The following CD44 variants were observed in gnomAD, a reference collection of about 807,000 sequenced individuals.
CD44 encodes the protein CD44 antigen.
CD44 carries 49 observed loss-of-function variants against 88.8 expected under a neutral mutation model. That is an observed-to-expected ratio of 0.55 (90% CI 0.44 to 0.70). The LOEUF is 0.70. CD44 is among the 30% of genes least tolerant of loss of function. The pLI is 0.00. For synonymous variants in CD44, 325 were observed against 312.3 expected (o/e 1.04, Z -0.43); for missense variants, 883 against 913.8 (o/e 0.97, Z 0.43).
intron 1 of CD44, among the ~76,000 whole-genome samples, chr11:35,171,197 T>A (rs1943839996): frequency 6.6e-6 from 1 of 152,218 alleles, no homozygotes. Context: ...AATGTCTTCA[T>A]AAATTATCAG....
At chr11:35,174,198 C>G (rs1170545106) in intron 1 of CD44, among the ~76,000 whole-genome samples, 1 of 152,168 alleles carries the variant, frequency 6.6e-6, no homozygotes, top group Non-Finnish European at 1.5e-5. Flanking sequence ...GGTACTCACT[C>G]ACTTCCTTGG....
chr11:35,159,889 A>G (rs1942379157), intron 1 of CD44, among the ~76,000 whole-genome samples: 1 of 152,208 alleles, frequency 6.6e-6, no homozygotes, highest in Non-Finnish European at 1.5e-5. Flanking sequence ...TGTCCCTAGA[A>G]TGGAGCCTTG....
At chr11:35,144,782 A>G (rs1858784286) in intron 1 of CD44, among the ~76,000 whole-genome samples, 1 of 152,270 alleles carries the variant, frequency 6.6e-6, no homozygotes, top group Admixed American at 6.5e-5. Flanking sequence ...ATATTTTTCC[A>G]CAAATAAATA....
At chr11:35,166,497 C>T (rs1943285208) in intron 1 of CD44, among the ~76,000 whole-genome samples, 1 of 152,066 alleles carries the variant, frequency 6.6e-6, no homozygotes, top group Non-Finnish European at 1.5e-5. Flanking sequence ...CAAGAGCTTT[C>T]TAGGCTGTGC....
chr11:35,189,736 T>C, intron 4 of CD44, 99 bp from the exon 5 acceptor site: 2 of 813,866 alleles, frequency 2.5e-6, no homozygotes, highest in East Asian at 5.3e-5. Flanking sequence ...TGTTTCTCAT[T>C]ACAAAGGAAA....
At position 35,210,030 on chromosome 11, in the gene CD44, A is replaced by C. The variant is rs1346721145; in HGVS notation, c.1582A>C (p.Thr528Pro). ...EGLEEDKDHP[T>P]TSTLTSSNRN... ...CTTGGAAGAAGATAAAGACCATCCAACAACTTCTACTCTGACATCAAGCAG... is the reference window on the plus strand; with the variant it reads ...CTTGGAAGAAGATAAAGACCATCCACCAACTTCTACTCTGACATCAAGCAG... Residue 528 changes from threonine (T) to proline (P), a missense_variant, in exon 13 of 18, where the codon ACA becomes CCA. Physicochemically the swap from Thr to Pro is conservative, Grantham distance 38. This residue lies in a region of CD44 where 631 missense variants were observed against 590.9 expected (regional missense o/e 1.07). Coordinates refer to ENST00000428726, the MANE Select transcript of CD44 (RefSeq NM_000610.4). 6.4e-7 allele frequency: 1 copy of C among 1,560,572 alleles called. No homozygotes were observed. The highest frequency in any genetic ancestry group is 1.2e-5 in the South Asian group (1 of 81,930).
intron 3 of CD44, among the ~76,000 whole-genome samples, chr11:35,183,338 CA>C (rs5791038): frequency 0.06 from 7,570 of 126,524 alleles, 279 homozygotes; most frequent in African/African-American, 0.13. Context: ...AGCAATGAGA[CA>C]AAAAAAAAAA....
chr11:35,177,977 A>G (rs1944632227), intron 2 of CD44, among the ~76,000 whole-genome samples: 2 of 152,210 alleles, frequency 1.3e-5, no homozygotes, highest in South Asian at 4.1e-4. Flanking sequence ...GCACTGCTCT[A>G]AAATAAAGAG....
intron 1 of CD44, among the ~76,000 whole-genome samples, chr11:35,152,808 C>A (rs1860599604): frequency 6.6e-6 from 1 of 152,162 alleles, no homozygotes; most frequent in African/African-American, 2.4e-5. Context: ...TGCATTCAGC[C>A]TGCCCTTGCT....
chr11:35,209,929 TC>T (rs1348094550), intron 12 of CD44, 35 bp from the exon 13 acceptor site: 3 of 1,375,542 alleles, frequency 2.2e-6, no homozygotes, highest in South Asian at 2.5e-5. Flanking sequence ...TACCGTAGCT[TC>T]AAATTAACAC....
chr11:35,228,545 AAAC>A (rs1949873263), intron 17 of CD44, among the ~76,000 whole-genome samples: 1 of 152,222 alleles, frequency 6.6e-6, no homozygotes, highest in Non-Finnish European at 1.5e-5. Flanking sequence ...TAAAAGAGGC[AAAC>A]ATTTCCATTG....
Position 35,208,055 on chromosome 11 carries a change from AG to A in CD44, c.1415-48del, listed in dbSNP as rs1948049555. On this transcript the variant is annotated intron_variant, in intron 11 of 17. Transcript: ENST00000428726. ...CAGCTGTAGACCATAAGCCACCTTC[AG>A]GTAGTGGTTTGGGAAATCAAGCAAT... 3.6e-6 allele frequency: 4 copies of A among 1,100,944 alleles called. No homozygotes were observed. In the South Asian group the frequency reaches 3.7e-5, roughly 10 times the overall value. 68.2% of individuals were successfully genotyped at this position (1,100,944 alleles called of 1,614,324 possible).
intron 1 of CD44, 143 bp downstream of exon 1, chr11:35,139,513 G>A (rs1228060731): frequency 3.7e-6 from 3 of 800,028 alleles, no homozygotes; most frequent in Non-Finnish European, 6.7e-6. Context: ...CCGGAAAGCA[G>A]GGCTGGGATT....
rs55885413 is a variant in CD44 at position 35,222,598 on chromosome 11, A to T, written c.2024+866A>T. On this transcript the variant is annotated intron_variant, in intron 17 of 17. Coordinates refer to ENST00000428726, the MANE Select transcript of CD44 (RefSeq NM_000610.4). ...TACATGTTATTTACATTTTATATAT[A>T]ATATATATATATATATATACACATA... 1.0e-3 allele frequency: 549 copies of T among 545,916 alleles called. 3 individuals carry two copies. The highest frequency in any genetic ancestry group is 9.5e-3 in the African/African-American group (445 of 46,846). 33.8% of individuals were successfully genotyped at this position (545,916 alleles called of 1,614,324 possible).
chr11:35,213,894 CTCT>C (rs777458235), intron 14 of CD44: 4 of 152,092 alleles, frequency 2.6e-5, no homozygotes, highest in Non-Finnish European at 4.4e-5. Context: ...CTTCCACCTT[CTCT>C]AATCAAGGAA....
intron 9 of CD44, among the ~76,000 whole-genome samples, chr11:35,202,517 T>C (rs148951306): frequency 2.5e-3 from 379 of 152,324 alleles, no homozygotes; most frequent in African/African-American, 8.5e-3. Context: ...TCTATCTTAT[T>C]TGGAATAAAA....
At chr11:35,178,178 G>A (rs1193608030) in intron 2 of CD44, among the ~76,000 whole-genome samples, 3 of 152,194 alleles carry the variant, frequency 2.0e-5, no homozygotes, top group African/African-American at 7.2e-5. Context: ...TAGGCCACTG[G>A]CCTAAGAAAG....
rs1948070838 is a variant in CD44, at chr11:35,208,202, A to G, written c.1512A>G (p.Thr504=). 8 of 1,601,572 alleles carry G rather than the reference A, an allele frequency of 5.0e-6. No homozygotes were observed. The highest frequency in any genetic ancestry group is 6.8e-6 in the Non-Finnish European group (8 of 1,168,820). ...DLDRTGPLSM[T]TQQSNSQSFS... ...ACAGGACAGGACCTCTTTCAATGACAACGCGTAAGAATAACGATGCTCAGC... is the reference window on the plus strand; with the variant it reads ...ACAGGACAGGACCTCTTTCAATGACGACGCGTAAGAATAACGATGCTCAGC... The change falls in exon 12 of 18, where the codon ACA becomes ACG. Residue 504 remains threonine (T), a synonymous_variant. Transcript: ENST00000428726.
intron 1 of CD44, among the ~76,000 whole-genome samples, chr11:35,157,700 C>G (rs1268836478): frequency 6.6e-6 from 1 of 152,210 alleles, no homozygotes; most frequent in Non-Finnish European, 1.5e-5. Context: ...CTGGCATCAT[C>G]TAAGAAATCA....
Sources: allele counts gnomAD v4.1 joint callset (sites outside exome capture counted in the v4.1 genomes callset), GRCh38; gene constraint gnomAD v4.1.1; regional missense constraint gnomAD v4.1.1; transcripts MANE v1.5; gene names NCBI Gene and HGNC (gene_info 2026-07-23, HGNC 2026-07-21).